PIK3R5: variants seen among roughly 807,000 people sequenced by gnomAD.
The protein encoded by PIK3R5 is phosphoinositide-3-kinase regulatory subunit 5, also known as phosphoinositide 3-kinase regulatory subunit 5.
Under a neutral mutation model 94.9 loss-of-function variants are expected in PIK3R5, and 32 were observed. That is an observed-to-expected ratio of 0.34 (90% CI 0.25 to 0.45). The LOEUF is 0.45. Among genes scored for constraint, PIK3R5 ranks in the 20% least tolerant of loss-of-function variants. The pLI is 1.00. For missense variants in PIK3R5, 853 were observed against 1,144.6 expected, an observed-to-expected ratio of 0.75 and a Z score of 3.68; for synonymous variants, 443 against 479.4, an observed-to-expected ratio of 0.92 and a Z score of 0.99.
At chr17:8,902,846 A>ATTTTTTTTTTTTTTTTTTTTTTTT (rs35776068) in intron 5 of PIK3R5, among the ~76,000 whole-genome samples, 4 of 140,180 alleles carry the variant, frequency 2.9e-5, no homozygotes, top group African/African-American at 1.1e-4. Context: ...TTTAGATAGA[A>ATTTTTTTTTTTTTTTTTTTTTTTT]TTTTTTTTTT....
In PIK3R5 at chr17:8,945,320, C is replaced by T. The variant is rs956276251; in HGVS notation, c.-14+20276G>A. Among the ~76,000 whole-genome samples, 1 of 152,154 alleles carries T rather than the reference C, an allele frequency of 6.6e-6. No individual in the cohort carries two copies. The highest frequency in any genetic ancestry group is 1.5e-5 in the Non-Finnish European group (1 of 68,028). ...GACACTAGCTCCAAGAGATTCTTCC[C>T]TTACAATCAGTAGGTCTGCCTCCCA... On this transcript the variant is annotated intron_variant, in intron 1 of 18. Transcript: ENST00000447110. This position sits in a 1 kb window ranked among gnomAD's most constrained non-coding sequence, Gnocchi z 4.0.
chr17:8,933,748 C>A (rs1245213249), intron 1 of PIK3R5, among the ~76,000 whole-genome samples: 1 of 152,050 alleles, frequency 6.6e-6, no homozygotes, highest in Non-Finnish European at 1.5e-5. Flanking sequence ...ATGGGACTTA[C>A]CCACTTGGAA....
chr17:8,940,960 G>T (rs1022346980), intron 1 of PIK3R5, among the ~76,000 whole-genome samples: 5 of 152,138 alleles, frequency 3.3e-5, no homozygotes, highest in Non-Finnish European at 7.4e-5. Context: ...TTTATTCAAG[G>T]CATCCCCGCT....
chr17:8,880,497 C>T lies in PIK3R5; in HGVS notation c.*142G>A. The T allele has an allele frequency of 1.2e-6, 1 of 817,120 alleles. No homozygotes were observed. Among genetic ancestry groups the T allele is most frequent in the African/African-American group, 1.7e-5 (1 of 58,004 alleles). 50.6% of individuals were successfully genotyped at this position (817,120 alleles called of 1,614,324 possible). A position where few individuals can be genotyped will look rare whatever the true frequency, so the allele number is the denominator to read the frequency against. On this transcript the variant is annotated 3_prime_UTR_variant, in exon 19 of 19. Transcript: ENST00000447110. ...TGAGGCCCCAGAAACCCTCTACTCC[C>T]AGCCCCTGCTCATTGCAGGACCCAC...
intron 1 of PIK3R5, among the ~76,000 whole-genome samples, chr17:8,938,742 C>T (rs1311140733): frequency 6.6e-6 from 1 of 152,198 alleles, no homozygotes; most frequent in Non-Finnish European, 1.5e-5. Context: ...TAATATTTCA[C>T]TGTGTGGACA....
rs966288983 is a variant in PIK3R5 at position 8,896,861 on chromosome 17, T to A, written c.413-3206A>T. 9.9e-5 allele frequency among the ~76,000 whole-genome samples: 15 copies of A among 152,134 alleles called. No homozygotes were observed. The highest frequency in any genetic ancestry group is 9.8e-4 in the Admixed American group (15 of 15,274). On this transcript the variant is annotated intron_variant, in intron 5 of 18. Transcript: ENST00000447110. This position sits in a 1 kb window ranked among gnomAD's most constrained non-coding sequence, Gnocchi z 4.0. The stretch of plus-strand genomic sequence containing the variant: ...CCTCCTACAAGGGGAACACCAAGAT[T>A]CCACGGAATCAACAGGGTGGAAGCA...
chr17:8,883,360 T>C (rs2089728188), intron 15 of PIK3R5, among the ~76,000 whole-genome samples: 1 of 152,182 alleles, frequency 6.6e-6, no homozygotes, highest in Non-Finnish European at 1.5e-5. Flanking sequence ...AGGGCGAGAC[T>C]ATGTCTCAAA....
chr17:8,933,653 T>G (rs1195065385), intron 1 of PIK3R5, among the ~76,000 whole-genome samples: 2 of 152,092 alleles, frequency 1.3e-5, no homozygotes, highest in African/African-American at 2.4e-5. Flanking sequence ...ATGCAAAAAT[T>G]CTTATCAAAA....
rs546588560 is a variant in PIK3R5, at chr17:8,964,743, G to A, written c.-14+853C>T. Among the ~76,000 whole-genome samples, 18 of 152,308 alleles carry A rather than the reference G, an allele frequency of 1.2e-4. No individual in the cohort carries two copies. The Middle Eastern group carries it at 0.01, about 86-fold the overall frequency. On this transcript the variant is annotated intron_variant, in intron 1 of 18. Transcript: ENST00000447110. ...GCAGGAAGGAAAGTGTGGGGTGGATGAGAAGACACAGAAGGAAAACGAGGG... is the reference window on the plus strand; with the variant it reads ...GCAGGAAGGAAAGTGTGGGGTGGATAAGAAGACACAGAAGGAAAACGAGGG...
At chr17:8,931,736 C>T (rs1280815812) in intron 1 of PIK3R5, among the ~76,000 whole-genome samples, 2 of 152,162 alleles carry the variant, frequency 1.3e-5, no homozygotes, top group Admixed American at 1.3e-4. Context: ...GAAACAGCTA[C>T]TGGAAAGCCT....
intron 1 of PIK3R5, among the ~76,000 whole-genome samples, chr17:8,922,156 G>A (rs1038435415): frequency 2.0e-5 from 3 of 151,834 alleles, no homozygotes; most frequent in Non-Finnish European, 4.4e-5. Flanking sequence ...AGGGAAGGTG[G>A]GAGGGTGGGA....
At chr17:8,940,129 G>T (rs1400817272) in intron 1 of PIK3R5, among the ~76,000 whole-genome samples, 1 of 152,220 alleles carries the variant, frequency 6.6e-6, no homozygotes, top group Non-Finnish European at 1.5e-5. Context: ...ATGGGGGCCT[G>T]GCTGAAGGTG....
chr17:8,958,059 C>T (rs914529728), intron 1 of PIK3R5, among the ~76,000 whole-genome samples: 1 of 152,038 alleles, frequency 6.6e-6, no homozygotes, highest in African/African-American at 2.4e-5. Flanking sequence ...TCCTATAATC[C>T]CAGCACTTTG....
At chr17:8,887,913 A>T (rs917874460) in intron 10 of PIK3R5, among the ~76,000 whole-genome samples, 1 of 150,986 alleles carries the variant, frequency 6.6e-6, no homozygotes, top group African/African-American at 2.4e-5. Flanking sequence ...AGGCACAAGA[A>T]TCGCTTGAAC....
intron 1 of PIK3R5, among the ~76,000 whole-genome samples, chr17:8,937,858 G>A (rs1324493103): frequency 6.6e-6 from 1 of 152,160 alleles, no homozygotes; most frequent in African/African-American, 2.4e-5. Flanking sequence ...TGCCCAGGCT[G>A]GAGTGCAATG....
Position 8,888,326 on chromosome 17 carries a change from C to A in PIK3R5, c.1461G>T (p.Gln487His). The A allele has an allele frequency of 1.2e-6, 2 of 1,612,630 alleles. No individual in the cohort carries two copies. The highest frequency in any genetic ancestry group is 1.7e-6 in the Non-Finnish European group (2 of 1,179,686). ...RSLPQPKLGT[Q>H]LPSWLLAPAS... is the part of the protein sequence containing the mutation. ...CAGGGGCCAGAAGCCAGCTGGGCAGCTGGGTACCGAGTTTGGGCTGGGGCA... is the reference window on the plus strand; with the variant it reads ...CAGGGGCCAGAAGCCAGCTGGGCAGATGGGTACCGAGTTTGGGCTGGGGCA... Residue 487 changes from glutamine to histidine, a missense_variant, in exon 10 of 19, where the codon CAG becomes CAT. Gln to His is a conservative substitution (Grantham distance 24). This residue lies in a region of PIK3R5 where 319 missense variants were observed against 339.8 expected (regional missense o/e 0.94). Coordinates refer to ENST00000447110, the MANE Select transcript of PIK3R5 (RefSeq NM_001142633.3). This position sits in a 1 kb window ranked among gnomAD's most constrained non-coding sequence, Gnocchi z 7.8.
chr17:8,894,808 G>A (rs1440311149), intron 5 of PIK3R5, among the ~76,000 whole-genome samples: 1 of 151,580 alleles, frequency 6.6e-6, no homozygotes, highest in Admixed American at 6.6e-5. Context: ...ATCGAGAGCA[G>A]GGCCACTCTG....
In PIK3R5 at chr17:8,955,742, T is replaced by C. The variant is rs140141006; in HGVS notation, c.-14+9854A>G. Among the ~76,000 whole-genome samples the C allele has an allele frequency of 5.8e-3, 880 of 151,748 alleles. 19 individuals carry two copies. Among genetic ancestry groups the C allele is most frequent in the African/African-American group, 0.02 (837 of 41,352 alleles). ...GCTGGGGAGTGGGGAACAAGGAAGA[T>C]GGAGGGAGGACTCGGAGATGAGTCC... On this transcript the variant is annotated intron_variant, in intron 1 of 18. Coordinates refer to ENST00000447110, the MANE Select transcript of PIK3R5 (RefSeq NM_001142633.3). This position sits in a 1 kb window ranked among gnomAD's most constrained non-coding sequence, Gnocchi z 4.4.
chr17:8,947,428 T>C (rs1338860792), intron 1 of PIK3R5, among the ~76,000 whole-genome samples: 1 of 152,040 alleles, frequency 6.6e-6, no homozygotes, highest in Non-Finnish European at 1.5e-5. Flanking sequence ...CGGAAGAAAA[T>C]GCTAGACATA....
Sources: gnomAD v4.1 joint callset for allele counts (sites outside exome capture counted in the v4.1 genomes callset) on GRCh38, gnomAD v4.1.1 for gene constraint, gnomAD v4.1.1 regional missense constraint, Gnocchi (gnomAD v3.1) non-coding constraint, MANE v1.5 for transcripts, NCBI Gene and HGNC (gene_info 2026-07-23, HGNC 2026-07-21) for gene names.